ASAP2: variants seen among roughly 807,000 people sequenced by gnomAD.
ASAP2 encodes arf-GAP with SH3 domain, ANK repeat and PH domain-containing protein 2.
A neutral mutation model predicts 131.4 loss-of-function variants in ASAP2; 45 were observed. The observed-to-expected ratio is 0.34, with a 90% CI of 0.27 to 0.44. The LOEUF (loss-of-function observed/expected upper bound fraction) is 0.44. Among genes scored for constraint, ASAP2 ranks in the 20% least tolerant of loss-of-function variants. The pLI is 1.00. For synonymous variants in ASAP2, 510 were observed against 503.0 expected, an observed-to-expected ratio of 1.01 and a Z score of -0.19; for missense variants, 1,011 against 1,297.0, an observed-to-expected ratio of 0.78 and a Z score of 3.39.
intron 3 of ASAP2, 75 bp downstream of exon 3, chr2:9,297,520 T>C (rs1668221941): frequency 2.6e-6 from 4 of 1,546,606 alleles, no homozygotes; most frequent in East Asian, 2.3e-5. Flanking sequence ...AGTTATGGTT[T>C]GTTTGATAAA....
At chr2:9,270,454 G>A (rs912843173) in intron 1 of ASAP2, among the ~76,000 whole-genome samples, 4 of 151,856 alleles carry the variant, frequency 2.6e-5, no homozygotes, top group South Asian at 2.1e-4. Context: ...TTGTGGGTAC[G>A]TGGTATATAT....
chr2:9,270,550 A>C (rs1666271098), intron 1 of ASAP2, among the ~76,000 whole-genome samples: 1 of 152,054 alleles, frequency 6.6e-6, no homozygotes, highest in Non-Finnish European at 1.5e-5. Flanking sequence ...ATCACCTCAA[A>C]GCATTTAGCC....
intron 15 of ASAP2, among the ~76,000 whole-genome samples, chr2:9,365,504 C>T (rs189010327): frequency 6.6e-6 from 1 of 152,192 alleles, no homozygotes; most frequent in Non-Finnish European, 1.5e-5. Context: ...CCCAAACTCT[C>T]AAAACAATGT....
chr2:9,390,403 C>G (rs766111790), intron 22 of ASAP2, among the ~76,000 whole-genome samples: 4 of 152,228 alleles, frequency 2.6e-5, no homozygotes, highest in Non-Finnish European at 4.4e-5. Flanking sequence ...TGCACAGCCT[C>G]CAACATGGGG....
intron 2 of ASAP2, among the ~76,000 whole-genome samples, chr2:9,280,197 A>G (rs1255000460): frequency 6.6e-6 from 1 of 152,166 alleles, no homozygotes; most frequent in East Asian, 1.9e-4. Context: ...CCACTGAAGT[A>G]GTCAGGTCCC....
chr2:9,300,594 A>T (rs1177135278), intron 3 of ASAP2, among the ~76,000 whole-genome samples: 1 of 152,172 alleles, frequency 6.6e-6, no homozygotes, highest in Non-Finnish European at 1.5e-5. Context: ...ATGAGCACCC[A>T]CCGGTGTAGC....
chr2:9,397,113 A>C (rs2148816396), intron 24 of ASAP2, among the ~76,000 whole-genome samples: 1 of 152,340 alleles, frequency 6.6e-6, no homozygotes, highest in Middle Eastern at 3.4e-3. Context: ...CCTCTATACC[A>C]AAGTGGCCAC....
chr2:9,363,714 G>A (rs1166531780), intron 15 of ASAP2, among the ~76,000 whole-genome samples: 1 of 152,050 alleles, frequency 6.6e-6, no homozygotes, highest in Non-Finnish European at 1.5e-5. Context: ...GGGACTATAG[G>A]CATGTGCCAC....
Position 9,223,066 on chromosome 2 carries a change from C to T in ASAP2, c.126+15836C>T, listed in dbSNP as rs188025461. 5.9e-4 allele frequency among the ~76,000 whole-genome samples: 90 copies of T among 152,340 alleles called. 1 individual carries two copies. Among genetic ancestry groups the T allele is most frequent in the African/African-American group, 2.0e-3 (82 of 41,580 alleles). ...ATTTGGGATTTTAGGCAGAGGCCTT[C>T]CTGCATCTCTCAAGTCACACTTGCA... On this transcript the variant is annotated intron_variant, in intron 1 of 27. Coordinates refer to ENST00000281419, the MANE Select transcript of ASAP2 (RefSeq NM_003887.3).
At chr2:9,210,919 G>C (rs1163531352) in intron 1 of ASAP2, among the ~76,000 whole-genome samples, 1 of 151,228 alleles carries the variant, frequency 6.6e-6, no homozygotes. Flanking sequence ...AGTTTGGGAG[G>C]CCAAGGCGGG....
At position 9,232,345 on chromosome 2, in the gene ASAP2, G is replaced by T. The variant is rs1663229610; in HGVS notation, c.126+25115G>T. ...CTCCCTGCCTGTTCTGTGAAGTTCA[G>T]CCCAGTGCCCCTTCCTTGGAGGCCA... On this transcript the variant is annotated intron_variant, in intron 1 of 27. Transcript: ENST00000281419. This position sits in a 1 kb window ranked among gnomAD's most constrained non-coding sequence, Gnocchi z 4.1. 6.6e-6 allele frequency among the ~76,000 whole-genome samples: 1 copy of T among 152,186 alleles called. No individual in the cohort carries two copies. Among genetic ancestry groups the T allele is most frequent in the Non-Finnish European group, 1.5e-5 (1 of 68,030 alleles).
chr2:9,244,922 G>A (rs992888351), intron 1 of ASAP2, among the ~76,000 whole-genome samples: 24 of 152,116 alleles, frequency 1.6e-4, no homozygotes, highest in Admixed American at 1.2e-3. Context: ...GCCTTTCTGC[G>A]GAGAATAATT....
rs141692216 is a variant in ASAP2 at position 9,290,193 on chromosome 2, G to GTTAT, written c.200-7084_200-7081dup. ...TTGGGAGAGAAAGACATATTCTAAT[G>GTTAT]TTATTTATTTATTTATTTATTTATT... On this transcript the variant is annotated intron_variant, in intron 2 of 27. Transcript: ENST00000281419. 3.6e-3 allele frequency among the ~76,000 whole-genome samples: 546 copies of GTTAT among 152,056 alleles called. 3 individuals are homozygous for GTTAT. The highest frequency in any genetic ancestry group is 0.016 in the East Asian group (81 of 5,182).
rs141891003 is a variant in ASAP2 at position 9,385,269 on chromosome 2, T to C, written c.2041T>C (p.Phe681Leu). The C allele has an allele frequency of 2.2e-4, 352 of 1,614,184 alleles. No individual in the cohort carries two copies. Among genetic ancestry groups the C allele is most frequent in the Non-Finnish European group, 2.9e-4 (344 of 1,179,988 alleles). Residue 681 changes from phenylalanine (F) to leucine (L), a missense_variant, in exon 21 of 28, where the codon TTT (phenylalanine) becomes CTT (leucine). By Grantham distance (22) the Phe-to-Leu change is conservative. Transcript: ENST00000281419. ...GCTGACCCAAGCCTTATCTGGAAGATTTAATTCTCACGTTCACGTTGAATA... is the reference window on the plus strand; with the variant it reads ...GCTGACCCAAGCCTTATCTGGAAGACTTAATTCTCACGTTCACGTTGAATA... Reference protein sequence around the residue: ...ELLTQALSGRFNSHVHVEYEW... With the variant: ...ELLTQALSGRLNSHVHVEYEW...
At position 9,380,777 on chromosome 2, in the gene ASAP2, A is replaced by G. The variant is rs1277043345; in HGVS notation, c.1985A>G (p.Lys662Arg). ...GGAGAGACTCCGCTGGACATTGCCA[A>G]GCGCCTCAAGCACGAGCACTGTGAG... ...ESGETPLDIA[K>R]RLKHEHCEEL... The change falls in exon 20 of 28, where the codon AAG (lysine) becomes AGG (arginine). Residue 662 changes from lysine to arginine, a missense_variant. Coordinates refer to ENST00000281419, the MANE Select transcript of ASAP2 (RefSeq NM_003887.3). The G allele has an allele frequency of 1.9e-6, 3 of 1,614,044 alleles. No individual in the cohort carries two copies. The highest frequency in any genetic ancestry group is 2.2e-5 in the East Asian group (1 of 44,880).
chr2:9,396,360 G>A (rs910541060), intron 24 of ASAP2, among the ~76,000 whole-genome samples: 1 of 151,852 alleles, frequency 6.6e-6, no homozygotes, highest in African/African-American at 2.4e-5. Context: ...CCGCAGCCTC[G>A]ACCTCCTGGG....
intron 16 of ASAP2, among the ~76,000 whole-genome samples, chr2:9,373,728 C>T (rs1257280608): frequency 2.0e-5 from 3 of 152,234 alleles, no homozygotes; most frequent in African/African-American, 7.2e-5. Flanking sequence ...CATTTGTCCT[C>T]AGATTGTAGG....
intron 11 of ASAP2, among the ~76,000 whole-genome samples, chr2:9,346,976 T>C (rs568221749): frequency 6.6e-6 from 1 of 152,380 alleles, no homozygotes; most frequent in East Asian, 1.9e-4. Flanking sequence ...ACTGGGATGC[T>C]GAGAACTCAG....
At position 9,393,647 on chromosome 2, in the gene ASAP2, G is replaced by A; in HGVS notation, c.2684G>A (p.Gly895Glu). ...SRLPQKKPAPGADKSTPLTNK... is the reference protein window; with the variant it reads ...SRLPQKKPAPEADKSTPLTNK... ...CTCCCGCAGAAGAAGCCTGCGCCGG[G>A]GTAAGCCACCCCCAGCCAGCTCGGC... Residue 895 changes from glycine (G) to glutamate (E), a missense_variant and splice_region_variant, in exon 24 of 28, where the codon GGG becomes GAG. Gly to Glu is a moderately conservative substitution (Grantham distance 98). Transcript: ENST00000281419. The A allele has an allele frequency of 6.4e-7, 1 of 1,566,378 alleles. No individual in the cohort carries two copies. The highest frequency in any genetic ancestry group is 8.6e-7 in the Non-Finnish European group (1 of 1,160,428).
Sources: allele counts gnomAD v4.1 joint callset (sites outside exome capture counted in the v4.1 genomes callset), GRCh38; gene constraint gnomAD v4.1.1; non-coding constraint Gnocchi (gnomAD v3.1); transcripts MANE v1.5; gene names NCBI Gene and HGNC (gene_info 2026-07-23, HGNC 2026-07-21).